Variants in PCYT1A observed in about 807,000 individuals in gnomAD.
PCYT1A encodes choline-phosphate cytidylyltransferase A.
In PCYT1A, 25 loss-of-function variants were observed where a neutral mutation model predicts 43.7. The observed-to-expected ratio is 0.57, with a 90% CI of 0.42 to 0.80. The LOEUF is 0.80. Ranked by LOEUF, PCYT1A falls within the 30% of genes least tolerant of loss-of-function variation. The pLI is 0.00. For synonymous variants in PCYT1A, 172 were observed against 170.7 expected, an observed-to-expected ratio of 1.01 and a Z score of -0.06; for missense variants, 421 against 474.2, an observed-to-expected ratio of 0.89 and a Z score of 1.04.
At chr3:196,263,850 T>G (rs1725189662) in intron 2 of PCYT1A, among the ~76,000 whole-genome samples, 1 of 151,986 alleles carries the variant, frequency 6.6e-6, no homozygotes, top group Non-Finnish European at 1.5e-5. Context: ...GCCAGGATGG[T>G]CTCGATCACT....
Position 196,247,250 on chromosome 3 carries a change from C to T in PCYT1A, c.486+117G>A, listed in dbSNP as rs1185617935. 1.4e-5 allele frequency: 15 copies of T among 1,043,786 alleles called. No homozygotes were observed. The allele number at this position is 1,043,786 out of a possible 1,614,324, so 64.7% of individuals were successfully genotyped here. On this transcript the variant is annotated intron_variant, in intron 5 of 8. Transcript: ENST00000431016. The surrounding 1 kb of genome is among the most constrained non-coding windows in gnomAD (Gnocchi z 4.8). ...AATATCACTGTCATCTCCTACGAAACTTACATAAGAGGTAGAAGTAAAACA... is the reference window on the plus strand; with the variant it reads ...AATATCACTGTCATCTCCTACGAAATTTACATAAGAGGTAGAAGTAAAACA...
intron 2 of PCYT1A, chr3:196,267,178 CAA>C (rs878961519): frequency 0.025 from 4,738 of 191,646 alleles, no homozygotes; most frequent in South Asian, 0.042. Context: ...GACTCAGTCT[CAA>C]AAAAAAAAAA....
Position 196,273,393 on chromosome 3 carries a change from T to C in PCYT1A, c.-10-2852A>G, listed in dbSNP as rs543690783. ...GTTTCAGCTCTTTCAGTCCCACCAT[T>C]TGGCAGATCCCGAGTTCTTGTCCCA... On this transcript the variant is annotated intron_variant, in intron 1 of 8. Coordinates refer to ENST00000431016, the MANE Select transcript of PCYT1A (RefSeq NM_001312673.2). This position sits in a 1 kb window ranked among gnomAD's most constrained non-coding sequence, Gnocchi z 4.1. 5.9e-5 allele frequency among the ~76,000 whole-genome samples: 9 copies of C among 152,268 alleles called. No homozygotes were observed. In the East Asian group the frequency reaches 1.7e-3, roughly 29 times the overall value.
In PCYT1A at chr3:196,241,480, A is replaced by AT. The variant is rs767689202; in HGVS notation, c.708+467_708+468insA. On this transcript the variant is annotated intron_variant, in intron 7 of 8. Coordinates refer to ENST00000431016, the MANE Select transcript of PCYT1A (RefSeq NM_001312673.2). ...AGGCATGAACTACCATGCCCAGAAA[A>AT]ATATATAGAGTTTCTAAAAGGCAAT... 20 of 1,284,562 alleles carry AT rather than the reference A, an allele frequency of 1.6e-5. No homozygotes were observed. The South Asian group carries it at 2.5e-4, about 16-fold the overall frequency. The allele number at this position is 1,284,562 out of a possible 1,614,324, so 79.6% of individuals were successfully genotyped here. A position where few individuals can be genotyped will look rare whatever the true frequency, so the allele number is the denominator to read the frequency against.
Position 196,269,485 on chromosome 3 carries a change from T to C in PCYT1A, c.117+930A>G, listed in dbSNP as rs1034352378. 7.2e-5 allele frequency among the ~76,000 whole-genome samples: 11 copies of C among 152,224 alleles called. No individual in the cohort carries two copies. The East Asian group carries it at 1.5e-3, about 21-fold the overall frequency. ...ATAATATTAACAACAGTAGCTTCAA[T>C]TGTGTGTAAGTGTTCTCTGACATGT... is the stretch of plus-strand genomic sequence containing the variant. On this transcript the variant is annotated intron_variant, in intron 2 of 8. Coordinates refer to ENST00000431016, the MANE Select transcript of PCYT1A (RefSeq NM_001312673.2).
intron 1 of PCYT1A, among the ~76,000 whole-genome samples, chr3:196,285,982 C>T (rs1257439202): frequency 3.3e-5 from 5 of 151,988 alleles, no homozygotes; most frequent in African/African-American, 4.8e-5. Context: ...CAAAGCTTCC[C>T]GTTCCTCATG....
intron 1 of PCYT1A, among the ~76,000 whole-genome samples, chr3:196,285,094 C>T (rs755894098): frequency 5.9e-5 from 9 of 152,182 alleles, no homozygotes; most frequent in South Asian, 2.1e-4. Context: ...ATACACTGTA[C>T]GATAAATTAA....
rs1725448247 is a variant in PCYT1A, at chr3:196,272,205, GAA to G, written c.-10-1666_-10-1665del. 3.5e-5 allele frequency among the ~76,000 whole-genome samples: 5 copies of G among 140,878 alleles called. No homozygotes were observed. In the Admixed American group the frequency reaches 3.6e-4, roughly 10 times the overall value. 92.4% of individuals were successfully genotyped at this position (140,878 alleles called of 152,430 possible). Reference sequence around the variant, plus strand: ...CTTCTTTCCTTTTTTTTTTTTTTGAGAAAGAGTCTCACTCCGTCACCCTGGCT... The same window carrying G: ...CTTCTTTCCTTTTTTTTTTTTTTGAGAGAGTCTCACTCCGTCACCCTGGCT... On this transcript the variant is annotated intron_variant, in intron 1 of 8. Coordinates refer to ENST00000431016, the MANE Select transcript of PCYT1A (RefSeq NM_001312673.2).
Position 196,257,878 on chromosome 3 carries a change from G to T in PCYT1A, c.127C>A (p.Gln43Lys). The T allele has an allele frequency of 6.2e-7, 1 of 1,610,392 alleles. No individual in the cohort carries two copies. Among genetic ancestry groups the T allele is most frequent in the Non-Finnish European group, 8.5e-7 (1 of 1,176,958 alleles). ...KVQRCAVGLR[Q>K]PAPFSDEIEV... ...ATTTCATCAGAAAAAGGAGCTGGTT[G>T]CCGTAAGCCCTTAAGAAATGGAAAG... is the stretch of plus-strand genomic sequence containing the variant. The change falls in exon 3 of 9, where the codon CAA becomes AAA. Residue 43 changes from glutamine (Q) to lysine (K), a missense_variant. Physicochemically the swap from Gln to Lys is moderately conservative, Grantham distance 53. Coordinates refer to ENST00000431016, the MANE Select transcript of PCYT1A (RefSeq NM_001312673.2).
chr3:196,247,587 C>A lies in PCYT1A; in HGVS notation c.335-69G>T. On this transcript the variant is annotated intron_variant, in intron 4 of 8. Coordinates refer to ENST00000431016, the MANE Select transcript of PCYT1A (RefSeq NM_001312673.2). This position sits in a 1 kb window ranked among gnomAD's most constrained non-coding sequence, Gnocchi z 4.8. ...TTAGCACCTCCTCAGCCACCGACCT[C>A]TCCCATCTTCTCCCACTGCTTAGGA... 2 of 1,378,598 alleles carry A rather than the reference C, an allele frequency of 1.5e-6. No homozygotes were observed. The highest frequency in any genetic ancestry group is 2.1e-6 in the Non-Finnish European group (2 of 967,336). The allele number at this position is 1,378,598 out of a possible 1,614,324, so 85.4% of individuals were successfully genotyped here. A position where few individuals can be genotyped will look rare whatever the true frequency, so the allele number is the denominator to read the frequency against.
intron 3 of PCYT1A, among the ~76,000 whole-genome samples, chr3:196,256,453 G>C (rs1192152526): frequency 1.3e-5 from 2 of 152,068 alleles, no homozygotes; most frequent in Non-Finnish European, 2.9e-5. Flanking sequence ...TTGTGCCACT[G>C]CATGCCAGCC....
intron 1 of PCYT1A, among the ~76,000 whole-genome samples, chr3:196,274,459 T>C (rs552784192): frequency 1.4e-4 from 22 of 152,366 alleles, no homozygotes; most frequent in African/African-American, 4.6e-4. Flanking sequence ...TAGTTGCGTT[T>C]TTCTTAAGTA....
intron 2 of PCYT1A, among the ~76,000 whole-genome samples, chr3:196,269,783 G>A (rs1045583529): frequency 1.9e-4 from 29 of 152,076 alleles, no homozygotes; most frequent in African/African-American, 6.3e-4. Context: ...CAGAAAAGAC[G>A]CACTAGACAC....
Position 196,273,022 on chromosome 3 carries a change from G to A in PCYT1A, c.-10-2481C>T, listed in dbSNP as rs182749306. Among the ~76,000 whole-genome samples the A allele has an allele frequency of 1.4e-4, 22 of 152,308 alleles. No homozygotes were observed. The highest frequency in any genetic ancestry group is 5.3e-4 in the African/African-American group (22 of 41,578). On this transcript the variant is annotated intron_variant, in intron 1 of 8. Transcript: ENST00000431016. The surrounding 1 kb of genome is among the most constrained non-coding windows in gnomAD (Gnocchi z 4.1). ...GCACGGAGCGGCAAGAGGTGCACAG[G>A]CGAGCCAGCACAGGGTCCGGCCACT...
In PCYT1A at chr3:196,238,906, G is replaced by C. The variant is rs199558523; in HGVS notation, c.898-12C>G. 2.0e-4 allele frequency: 280 copies of C among 1,392,558 alleles called. 1 individual carries two copies. The highest frequency in any genetic ancestry group is 2.6e-4 in the Middle Eastern group (1 of 3,808). 86.3% of individuals were successfully genotyped at this position (1,392,558 alleles called of 1,614,324 possible). A position where few individuals can be genotyped will look rare whatever the true frequency, so the allele number is the denominator to read the frequency against. ...TTCAGCATATGTTTCTGCAGAAACC[G>C]AAAGGAAGAGTCAGAAAAACACCGT... On this transcript the variant is annotated splice_polypyrimidine_tract_variant and intron_variant, in intron 8 of 8. Coordinates refer to ENST00000431016, the MANE Select transcript of PCYT1A (RefSeq NM_001312673.2).
chr3:196,276,927 C>T (rs1333625465), intron 1 of PCYT1A, among the ~76,000 whole-genome samples: 2 of 150,570 alleles, frequency 1.3e-5, no homozygotes, highest in African/African-American at 4.9e-5. Flanking sequence ...CAAAGTGAGA[C>T]CCTTTCTCAA....
intron 5 of PCYT1A, among the ~76,000 whole-genome samples, chr3:196,244,332 C>T (rs1448823676): frequency 6.6e-6 from 1 of 150,798 alleles, no homozygotes; most frequent in Non-Finnish European, 1.5e-5. Flanking sequence ...AGCGCCTCCT[C>T]CCCGCCGCCA....
At chr3:196,244,962 G>C (rs1263225804) in intron 5 of PCYT1A, among the ~76,000 whole-genome samples, 1 of 152,134 alleles carries the variant, frequency 6.6e-6, no homozygotes, top group Non-Finnish European at 1.5e-5. Context: ...GCAGAAGGCC[G>C]CAGGGCCCTC....
At chr3:196,270,936 G>A (rs1210190855) in intron 1 of PCYT1A, among the ~76,000 whole-genome samples, 1 of 152,340 alleles carries the variant, frequency 6.6e-6, no homozygotes, top group African/African-American at 2.4e-5. Context: ...ATAAGGCAAT[G>A]TGAAGGTATG....
Sources: allele counts gnomAD v4.1 joint callset (sites outside exome capture counted in the v4.1 genomes callset), GRCh38; gene constraint gnomAD v4.1.1; non-coding constraint Gnocchi (gnomAD v3.1); transcripts MANE v1.5; gene names NCBI Gene and HGNC (gene_info 2026-07-23, HGNC 2026-07-21).